Variants in GFRA1 observed in about 807,000 individuals in gnomAD.
GFRA1 encodes the protein GDNF family receptor alpha 1, also known as GDNF family receptor alpha-1.
Under a neutral mutation model 51.6 loss-of-function variants are expected in GFRA1, and 16 were observed. The ratio of observed to expected loss-of-function variants is 0.31; its 90% confidence interval spans 0.21 to 0.47. GFRA1 has a LOEUF of 0.47. Among genes scored for constraint, GFRA1 ranks in the 20% least tolerant of loss-of-function variants. The pLI, the probability that GFRA1 is intolerant of heterozygous loss-of-function variation, is 1.00. For missense variants in GFRA1, 530 were observed against 594.3 expected (o/e 0.89, Z 1.13); for synonymous variants, 270 against 241.3 (o/e 1.12, Z -1.10).
intron 6 of GFRA1, among the ~76,000 whole-genome samples, chr10:116,104,940 T>C (rs1956951988): frequency 6.6e-6 from 1 of 152,176 alleles, no homozygotes; most frequent in Admixed American, 6.5e-5. Context: ...ATGCGCAAAC[T>C]GATGGTCATG....
intron 4 of GFRA1, among the ~76,000 whole-genome samples, chr10:116,242,755 T>G (rs989790525): frequency 1.5e-4 from 23 of 152,192 alleles, no homozygotes; most frequent in African/African-American, 5.5e-4. Context: ...GTGCCAGGAT[T>G]ACAGGCATAA....
chr10:116,121,413 T>C (rs2134007200), intron 6 of GFRA1, among the ~76,000 whole-genome samples: 1 of 152,152 alleles, frequency 6.6e-6, no homozygotes, highest in African/African-American at 2.4e-5. Context: ...TCTCCCCAAC[T>C]ACCTCAAGGG....
chr10:116,208,278 G>A (rs893239634), intron 5 of GFRA1, among the ~76,000 whole-genome samples: 7 of 152,060 alleles, frequency 4.6e-5, no homozygotes, highest in South Asian at 2.1e-4. Context: ...ACATCACCCT[G>A]AGATATTTTC....
chr10:116,105,901 G>A (rs1956988192), intron 6 of GFRA1, among the ~76,000 whole-genome samples: 1 of 152,164 alleles, frequency 6.6e-6, no homozygotes, highest in Admixed American at 6.5e-5. Flanking sequence ...TAAAACCTGA[G>A]ACCATTACAG....
At chr10:116,121,396 C>A (rs954791361) in intron 6 of GFRA1, among the ~76,000 whole-genome samples, 1 of 152,180 alleles carries the variant, frequency 6.6e-6, no homozygotes, top group African/African-American at 2.4e-5. Flanking sequence ...AACAGTCAGG[C>A]TCTGACTCTC....
At chr10:116,186,692 T>C (rs1054871577) in intron 5 of GFRA1, among the ~76,000 whole-genome samples, 4 of 152,078 alleles carry the variant, frequency 2.6e-5, no homozygotes, top group Non-Finnish European at 5.9e-5. Context: ...TTAAGTGCCA[T>C]TTATCATCTG....
chr10:116,092,667 C>A (rs1484398400), intron 8 of GFRA1, among the ~76,000 whole-genome samples: 1 of 152,180 alleles, frequency 6.6e-6, no homozygotes, highest in African/African-American at 2.4e-5. Flanking sequence ...AAAGGATTCA[C>A]ACTTCAGATC....
chr10:116,182,894 A>T (rs1440701508), intron 5 of GFRA1, among the ~76,000 whole-genome samples: 2 of 152,162 alleles, frequency 1.3e-5, no homozygotes, highest in African/African-American at 2.4e-5. Flanking sequence ...CCTGGAAGAC[A>T]TCTCCAGATG....
chr10:116,063,715 A>C lies in GFRA1; in HGVS notation c.*683T>G, dbSNP rs1239972680. The C allele has an allele frequency of 6.6e-6, 1 of 152,286 alleles. No individual in the cohort carries two copies. The highest frequency in any genetic ancestry group is 1.5e-5 in the Non-Finnish European group (1 of 68,210). 9.4% of individuals were successfully genotyped at this position (152,286 alleles called of 1,614,324 possible). ...TATTGAATCGGCACACTCATTCCCCACTCTCTATTTTGACGAAAAGACAGA... is the reference window on the plus strand; with the variant it reads ...TATTGAATCGGCACACTCATTCCCCCCTCTCTATTTTGACGAAAAGACAGA... On this transcript the variant is annotated 3_prime_UTR_variant, in exon 11 of 11. Transcript: ENST00000355422.
chr10:116,157,949 A>C (rs979664593), intron 5 of GFRA1, among the ~76,000 whole-genome samples: 1 of 152,164 alleles, frequency 6.6e-6, no homozygotes, highest in Non-Finnish European at 1.5e-5. Context: ...AAACACTGCA[A>C]CGTGAACACA....
intron 9 of GFRA1, among the ~76,000 whole-genome samples, chr10:116,073,624 A>T (rs1955497818): frequency 6.6e-6 from 1 of 152,198 alleles, no homozygotes. Flanking sequence ...TGGCCCTAAA[A>T]TGAAACATTT....
rs79223161 is a variant in GFRA1, at chr10:116,222,961, T to C, written c.419-11316A>G. On this transcript the variant is annotated intron_variant, in intron 4 of 10. Coordinates refer to ENST00000355422, the MANE Select transcript of GFRA1 (RefSeq NM_005264.8). ...AGTATTTACACTGTATCATGTATTA[T>C]AGGTAACCTATAGATTATTTAAATT... Among the ~76,000 whole-genome samples the C allele has an allele frequency of 3.0e-4, 45 of 152,348 alleles. No homozygotes were observed. The East Asian group carries it at 7.9e-3, about 27-fold the overall frequency.
At chr10:116,270,687 T>A (rs567656284) in intron 3 of GFRA1, 135 bp downstream of exon 3, 1 of 712,838 alleles carries the variant, frequency 1.4e-6, no homozygotes, top group Non-Finnish European at 2.4e-6. Context: ...CCGTTGTCCC[T>A]GGGGGCCAAG....
intron 4 of GFRA1, 111 bp downstream of exon 4, chr10:116,269,392 A>G (rs1156798751): frequency 6.7e-6 from 5 of 746,414 alleles, no homozygotes; most frequent in Non-Finnish European, 1.2e-5. Flanking sequence ...TTTCCCAGAA[A>G]CACTGTGCCA....
intron 4 of GFRA1, among the ~76,000 whole-genome samples, chr10:116,228,281 T>C (rs993709036): frequency 2.6e-5 from 4 of 152,128 alleles, no homozygotes; most frequent in African/African-American, 4.8e-5. Context: ...AAACCAAAAG[T>C]CTGGAGGCTT....
chr10:116,094,688 G>A (rs1042786832), intron 7 of GFRA1, among the ~76,000 whole-genome samples: 49 of 152,274 alleles, frequency 3.2e-4, no homozygotes, highest in African/African-American at 1.1e-3. Flanking sequence ...GGTGTATTTG[G>A]ATCACAAACA....
intron 4 of GFRA1, among the ~76,000 whole-genome samples, chr10:116,212,523 A>AAC (rs71010072): frequency 0.17 from 24,819 of 142,236 alleles, 2,495 homozygotes; most frequent in Non-Finnish European, 0.24. Flanking sequence ...TCCGTCTCAA[A>AAC]ACACACACAC....
chr10:116,169,230 G>GT (rs1960793323), intron 5 of GFRA1, among the ~76,000 whole-genome samples: 1 of 152,236 alleles, frequency 6.6e-6, no homozygotes, highest in Non-Finnish European at 1.5e-5. Flanking sequence ...TTGATGACTA[G>GT]AGTTCACTTT....
In GFRA1 at chr10:116,273,145, A is replaced by T. The variant is rs1844083667; in HGVS notation, c.-247+18T>A. Reference sequence around the variant, plus strand: ...TGGGTTCCCAAACAGAACGAAAAAAACTCCAAATGCCACCAACCTGGACTC... The same window carrying T: ...TGGGTTCCCAAACAGAACGAAAAAATCTCCAAATGCCACCAACCTGGACTC... On this transcript the variant is annotated intron_variant, in intron 1 of 10. Coordinates refer to ENST00000355422, the MANE Select transcript of GFRA1 (RefSeq NM_005264.8). 3 of 151,714 alleles carry T rather than the reference A, an allele frequency of 2.0e-5. No individual in the cohort carries two copies. The highest frequency in any genetic ancestry group is 4.1e-4 in the South Asian group (2 of 4,820). 9.4% of individuals were successfully genotyped at this position (151,714 alleles called of 1,614,324 possible).
Sources: gnomAD v4.1 joint callset for allele counts (sites outside exome capture counted in the v4.1 genomes callset) on GRCh38, gnomAD v4.1.1 for gene constraint, MANE v1.5 for transcripts, NCBI Gene and HGNC (gene_info 2026-07-23, HGNC 2026-07-21) for gene names.